The following MPZL3 variants were observed in gnomAD, a reference collection of about 807,000 sequenced individuals.
The protein encoded by MPZL3 is myelin protein zero-like protein 3.
Under a neutral mutation model 24.8 loss-of-function variants are expected in MPZL3, and 23 were observed. The observed-to-expected ratio is 0.93, with a 90% CI of 0.67 to 1.31. MPZL3 has a LOEUF of 1.31. Among genes scored for constraint, MPZL3 ranks in the 40% most tolerant of loss-of-function variants. The pLI, the probability that MPZL3 is intolerant of heterozygous loss-of-function variation, is 0.00. For missense variants in MPZL3, 277 were observed against 294.9 expected, an observed-to-expected ratio of 0.94 and a Z score of 0.44; for synonymous variants, 99 against 106.5, an observed-to-expected ratio of 0.93 and a Z score of 0.44.
chr11:118,240,368 A>C lies in MPZL3; in HGVS notation c.83T>G (p.Ile28Ser). 6.2e-7 allele frequency: 1 copy of C among 1,605,052 alleles called. No homozygotes were observed. The highest frequency in any genetic ancestry group is 8.5e-7 in the Non-Finnish European group (1 of 1,176,964). The change falls in exon 2 of 6, where the codon ATC becomes AGC. Residue 28 changes from isoleucine to serine, a missense_variant. Ile to Ser is a moderately radical substitution (Grantham distance 142, BLOSUM62 -2). Coordinates refer to ENST00000278949, the MANE Select transcript of MPZL3 (RefSeq NM_198275.3). ...TGCACGAATCTCCAAGGAAAAGACG[A>C]TATAAACACCTAATCAAAGCAAACC... ...LGVLFFQGVY[I>S]VFSLEIRADA... is the part of the protein sequence containing the mutation.
chr11:118,249,467 C>T (rs916436544), intron 1 of MPZL3, among the ~76,000 whole-genome samples: 1 of 152,126 alleles, frequency 6.6e-6, no homozygotes, highest in South Asian at 2.1e-4. Context: ...AGGCCTAATG[C>T]CTTTATCTCT....
chr11:118,233,924 C>G (rs549636517), intron 4 of MPZL3, among the ~76,000 whole-genome samples: 1 of 152,226 alleles, frequency 6.6e-6, no homozygotes, highest in Non-Finnish European at 1.5e-5. Flanking sequence ...ACTCAGAAGG[C>G]AGAGGTTGCA....
At position 118,228,317 on chromosome 11, in the gene MPZL3, G is replaced by A. The variant is rs933218375; in HGVS notation, c.*1577C>T. 2 of 152,136 alleles carry A rather than the reference G, an allele frequency of 1.3e-5. No homozygotes were observed. Among genetic ancestry groups the A allele is most frequent in the African/African-American group, 4.8e-5 (2 of 41,422 alleles). The allele number at this position is 152,136 out of a possible 1,614,324, so 9.4% of individuals were successfully genotyped here. On this transcript the variant is annotated 3_prime_UTR_variant, in exon 6 of 6. Coordinates refer to ENST00000278949, the MANE Select transcript of MPZL3 (RefSeq NM_198275.3). ...AAGCGCTGTAATATGGAAACTTCCT[G>A]AACCACCTAATGAAAAATCATGAAA...
Position 118,229,602 on chromosome 11 carries a change from G to T in MPZL3, c.*292C>A, listed in dbSNP as rs1363844383. On this transcript the variant is annotated 3_prime_UTR_variant, in exon 6 of 6. Transcript: ENST00000278949. ...ATGTAATACATTCCAGAGCAAAGAT[G>T]AATCAAAAAGTATCTTTTTGCTCAG... 2 of 299,674 alleles carry T rather than the reference G, an allele frequency of 6.7e-6. No individual in the cohort carries two copies. The highest frequency in any genetic ancestry group is 1.2e-5 in the Non-Finnish European group (2 of 161,766). 18.6% of individuals were successfully genotyped at this position (299,674 alleles called of 1,614,324 possible). A position where few individuals can be genotyped will look rare whatever the true frequency, so the allele number is the denominator to read the frequency against.
chr11:118,247,616 C>T (rs1475393187), intron 1 of MPZL3, among the ~76,000 whole-genome samples: 1 of 151,762 alleles, frequency 6.6e-6, no homozygotes, highest in East Asian at 1.9e-4. Flanking sequence ...TATTTAATGC[C>T]CCCCACCCCA....
chr11:118,250,521 G>A (rs573800973), intron 1 of MPZL3, among the ~76,000 whole-genome samples: 1 of 152,194 alleles, frequency 6.6e-6, no homozygotes, highest in East Asian at 1.9e-4. Flanking sequence ...TGCCCTTTAA[G>A]ACAGTAAATT....
intron 1 of MPZL3, among the ~76,000 whole-genome samples, chr11:118,245,337 A>G (rs1793166): frequency 0.96 from 145,531 of 152,240 alleles, 69,628 homozygotes; most frequent in East Asian, 1. Flanking sequence ...GCAAGACTTC[A>G]TCTCTTAAAG....
chr11:118,240,649 T>A (rs2134706909), intron 1 of MPZL3, among the ~76,000 whole-genome samples: 1 of 151,968 alleles, frequency 6.6e-6, no homozygotes, highest in African/African-American at 2.4e-5. Context: ...GAATACAGGC[T>A]TGTGGTTCAA....
Position 118,233,438 on chromosome 11 carries a change from A to G in MPZL3, c.681+22T>C, listed in dbSNP as rs769202120. 1.7e-5 allele frequency: 27 copies of G among 1,613,636 alleles called. No individual in the cohort carries two copies. In the South Asian group the frequency reaches 2.9e-4, roughly 17 times the overall value. On this transcript the variant is annotated intron_variant, in intron 5 of 5. Coordinates refer to ENST00000278949, the MANE Select transcript of MPZL3 (RefSeq NM_198275.3). ...GGAAAGTGGGACATCAACAGTAAGCAGAAGGAATGGCATGCACTTACCAGG... is the reference window on the plus strand; with the variant it reads ...GGAAAGTGGGACATCAACAGTAAGCGGAAGGAATGGCATGCACTTACCAGG...
At chr11:118,237,751 A>ATAGT (rs1949445252) in intron 2 of MPZL3, among the ~76,000 whole-genome samples, 1 of 152,204 alleles carries the variant, frequency 6.6e-6, no homozygotes, top group African/African-American at 2.4e-5. Flanking sequence ...ATAGCACTCT[A>ATAGT]TAGTTTGCAA....
rs371985922 is a variant in MPZL3, at chr11:118,237,086, T to C, written c.415A>G (p.Asn139Asp). Residue 139 changes from asparagine (N) to aspartate (D), a missense_variant, in exon 3 of 6, where the codon AAT (asparagine) becomes GAT (aspartate). By Grantham distance (23) the Asn-to-Asp change is conservative. Transcript: ENST00000278949. ...AVKNPPDVHHNIPMTELTVTE... is the reference protein window; with the variant it reads ...AVKNPPDVHHDIPMTELTVTE... ...ACTGTTAGCTCTGTCATGGGAATATTATGATGCACATCTGGGGGATTCTTC... is the reference window on the plus strand; with the variant it reads ...ACTGTTAGCTCTGTCATGGGAATATCATGATGCACATCTGGGGGATTCTTC... 8.7e-6 allele frequency: 14 copies of C among 1,613,930 alleles called. No homozygotes were observed. Among genetic ancestry groups the C allele is most frequent in the Admixed American group, 1.7e-5 (1 of 59,986 alleles).
intron 1 of MPZL3, among the ~76,000 whole-genome samples, chr11:118,243,032 C>T (rs1949515704): frequency 6.6e-6 from 1 of 152,212 alleles, no homozygotes; most frequent in Admixed American, 6.5e-5. Flanking sequence ...CTTAACTCCC[C>T]TACACTCCTA....
At chr11:118,251,185 A>C (rs983344721) in intron 1 of MPZL3, among the ~76,000 whole-genome samples, 1 of 151,858 alleles carries the variant, frequency 6.6e-6, no homozygotes, top group East Asian at 1.9e-4. Flanking sequence ...ATCATACTGC[A>C]AAGTAATTTA....
At position 118,229,542 on chromosome 11, in the gene MPZL3, A is replaced by G. The variant is rs1244284380; in HGVS notation, c.*352T>C. ...TTTGGGTATCAGCGGTGTGGCAAACATTCAAAATTCTCCTTCAAACAGTTG... is the reference window on the plus strand; with the variant it reads ...TTTGGGTATCAGCGGTGTGGCAAACGTTCAAAATTCTCCTTCAAACAGTTG... On this transcript the variant is annotated 3_prime_UTR_variant, in exon 6 of 6. Coordinates refer to ENST00000278949, the MANE Select transcript of MPZL3 (RefSeq NM_198275.3). 5.3e-6 allele frequency: 1 copy of G among 189,780 alleles called. No homozygotes were observed. The highest frequency in any genetic ancestry group is 2.3e-5 in the African/African-American group (1 of 42,756). 11.8% of individuals were successfully genotyped at this position (189,780 alleles called of 1,614,324 possible). A position where few individuals can be genotyped will look rare whatever the true frequency, so the allele number is the denominator to read the frequency against.
intron 1 of MPZL3, among the ~76,000 whole-genome samples, chr11:118,240,772 C>CAT (rs1565494525): frequency 2.1e-5 from 3 of 145,576 alleles, no homozygotes; most frequent in African/African-American, 8.4e-5. Context: ...CACACACACA[C>CAT]ACACACACAC....
chr11:118,239,854 C>A (rs932070062), intron 2 of MPZL3, among the ~76,000 whole-genome samples: 1 of 152,208 alleles, frequency 6.6e-6, no homozygotes, highest in African/African-American at 2.4e-5. Context: ...ATGTCCATGA[C>A]TGGACCCATA....
chr11:118,233,912 G>A (rs1573559), intron 4 of MPZL3, among the ~76,000 whole-genome samples: 63,315 of 152,040 alleles, frequency 0.42, 15,055 homozygotes, highest in South Asian at 0.72. Context: ...GGAATCACTT[G>A]AACTCAGAAG....
intron 1 of MPZL3, 82 bp from the exon 2 acceptor site, chr11:118,240,459 C>T: frequency 7.1e-7 from 1 of 1,414,644 alleles, no homozygotes; most frequent in Non-Finnish European, 9.5e-7. Flanking sequence ...ATTTTTAGAG[C>T]CCTCATCAAA....
intron 1 of MPZL3, among the ~76,000 whole-genome samples, chr11:118,247,380 A>G (rs1192419305): frequency 2.0e-5 from 3 of 152,184 alleles, no homozygotes; most frequent in Non-Finnish European, 4.4e-5. Flanking sequence ...CAAAAAATAA[A>G]AGGTCCACAT....
Sources: gnomAD v4.1 joint callset for allele counts (sites outside exome capture counted in the v4.1 genomes callset) on GRCh38, gnomAD v4.1.1 for gene constraint, MANE v1.5 for transcripts, NCBI Gene and HGNC (gene_info 2026-07-23, HGNC 2026-07-21) for gene names.